PCSK1: variants seen among roughly 807,000 people sequenced by gnomAD.
The protein encoded by PCSK1 is neuroendocrine convertase 1.
Under a neutral mutation model 90.6 loss-of-function variants are expected in PCSK1, and 56 were observed. The observed-to-expected ratio is 0.62, with a 90% CI of 0.50 to 0.77. The LOEUF (loss-of-function observed/expected upper bound fraction) is 0.77. Among genes scored for constraint, PCSK1 ranks in the 30% least tolerant of loss-of-function variants. The pLI, the probability that PCSK1 is intolerant of heterozygous loss-of-function variation, is 0.00. For missense variants in PCSK1, 801 were observed against 932.6 expected (o/e 0.86, Z 1.84); for synonymous variants, 348 against 342.4 (o/e 1.02, Z -0.18).
intron 9 of PCSK1, among the ~76,000 whole-genome samples, chr5:96,401,448 G>A (rs559698054): frequency 9.5e-4 from 145 of 152,352 alleles, no homozygotes; most frequent in Middle Eastern, 6.8e-3. Flanking sequence ...GCCAGAAAGG[G>A]AGCTTATACT....
At chr5:96,432,243 G>T (rs1327558418) in intron 1 of PCSK1, 9 of 900,748 alleles carry the variant, frequency 1.0e-5, no homozygotes, top group Non-Finnish European at 1.5e-5. Flanking sequence ...AGATGGTCCC[G>T]TGTCTTTCAC....
chr5:96,432,103 A>G, intron 1 of PCSK1: 1 of 1,535,280 alleles, frequency 6.5e-7, no homozygotes, highest in Non-Finnish European at 8.7e-7. Context: ...AACAAGAAAG[A>G]AATAGATCCC....
chr5:96,411,592 C>A (rs1254495519), intron 7 of PCSK1, among the ~76,000 whole-genome samples: 1 of 152,324 alleles, frequency 6.6e-6, no homozygotes, highest in East Asian at 1.9e-4. Flanking sequence ...AGGTATTCAA[C>A]AGGCACGTGC....
At chr5:96,430,667 G>A (rs983372360) in intron 1 of PCSK1, among the ~76,000 whole-genome samples, 4 of 152,154 alleles carry the variant, frequency 2.6e-5, no homozygotes, top group African/African-American at 9.7e-5. Flanking sequence ...GCAGAACCAG[G>A]AACGTGCTAT....
chr5:96,413,982 A>AG (rs989010606), intron 6 of PCSK1, among the ~76,000 whole-genome samples: 24 of 148,076 alleles, frequency 1.6e-4, no homozygotes, highest in Admixed American at 8.1e-4. Flanking sequence ...AAAAAAAAAA[A>AG]AAAAAAATTA....
chr5:96,414,128 G>A (rs1478639537), intron 6 of PCSK1, among the ~76,000 whole-genome samples: 1 of 146,690 alleles, frequency 6.8e-6, no homozygotes, highest in Non-Finnish European at 1.5e-5. Flanking sequence ...GACAGAGTGA[G>A]ACTCTGTCTA....
At chr5:96,418,560 ATTAATCTCAT>A (rs1761006786) in intron 5 of PCSK1, among the ~76,000 whole-genome samples, 2 of 152,222 alleles carry the variant, frequency 1.3e-5, no homozygotes, top group Admixed American at 6.5e-5. Context: ...TGTAGCTTCT[ATTAATCTCAT>A]TTACGTGGTA....
chr5:96,398,820 A>T (rs1172722707), intron 11 of PCSK1, 59 bp downstream of exon 11: 1 of 1,289,622 alleles, frequency 7.8e-7, no homozygotes, highest in Non-Finnish European at 1.1e-6. Flanking sequence ...GCAATCAGTT[A>T]TTTGAATCAT....
intron 9 of PCSK1, among the ~76,000 whole-genome samples, chr5:96,402,440 C>T (rs540359846): frequency 2.0e-5 from 3 of 152,290 alleles, no homozygotes; most frequent in Admixed American, 6.5e-5. Context: ...CAGGCCTCCT[C>T]GTGGAGAGAG....
At chr5:96,416,004 C>T in intron 6 of PCSK1, 29 bp downstream of exon 6, 2 of 1,402,668 alleles carry the variant, frequency 1.4e-6, no homozygotes. Flanking sequence ...ATTAAAATGC[C>T]AAGCTATAGG....
chr5:96,426,928 C>T (rs1337648088), intron 2 of PCSK1, among the ~76,000 whole-genome samples: 2 of 152,132 alleles, frequency 1.3e-5, no homozygotes, highest in Non-Finnish European at 1.5e-5. Flanking sequence ...AACCTGAAAG[C>T]TAGAAATTAG....
chr5:96,400,457 T>C (rs911845962), intron 9 of PCSK1, among the ~76,000 whole-genome samples: 3 of 152,244 alleles, frequency 2.0e-5, no homozygotes, highest in African/African-American at 7.2e-5. Flanking sequence ...CTCAGCAATA[T>C]AGAAGTATAA....
Position 96,392,553 on chromosome 5 carries a change from A to G in PCSK1, c.*448T>C, listed in dbSNP as rs944752869. ...TAGGCCTACCAAATACTTTCTTGGC[A>G]TCAAAATTTGAAGAACCACATGGAC... On this transcript the variant is annotated 3_prime_UTR_variant, in exon 14 of 14. Coordinates refer to ENST00000311106, the MANE Select transcript of PCSK1 (RefSeq NM_000439.5). The G allele has an allele frequency of 2.9e-5, 5 of 174,834 alleles. No homozygotes were observed. The highest frequency in any genetic ancestry group is 2.8e-4 in the Admixed American group (5 of 17,762). The allele number at this position is 174,834 out of a possible 1,614,324, so 10.8% of individuals were successfully genotyped here. A position where few individuals can be genotyped will look rare whatever the true frequency, so the allele number is the denominator to read the frequency against.
intron 10 of PCSK1, among the ~76,000 whole-genome samples, chr5:96,399,280 T>C (rs1052452613): frequency 3.3e-5 from 5 of 152,192 alleles, no homozygotes; most frequent in Non-Finnish European, 5.9e-5. Flanking sequence ...AGATTTATTG[T>C]AGACCCATCA....
rs1326633023 is a variant in PCSK1 at position 96,433,232 on chromosome 5, C to T, written c.-190G>A. On this transcript the variant is annotated 5_prime_UTR_variant, in exon 1 of 14. Transcript: ENST00000311106. ...GCGGCGAGCGCTCAGTGAAGCGCTT[C>T]GGTCTCCAGGCTGAGTGGAGCCCCA... 5 of 632,208 alleles carry T rather than the reference C, an allele frequency of 7.9e-6. No individual in the cohort carries two copies. Among genetic ancestry groups the T allele is most frequent in the Admixed American group, 2.4e-5 (1 of 42,110 alleles). 39.2% of individuals were successfully genotyped at this position (632,208 alleles called of 1,614,324 possible).
At chr5:96,414,137 T>TA (rs564573961) in intron 6 of PCSK1, among the ~76,000 whole-genome samples, 5,670 of 124,680 alleles carry the variant, frequency 0.045, 133 homozygotes, top group Non-Finnish European at 0.064. Flanking sequence ...AGACTCTGTC[T>TA]AAAAAAAAAA....
intron 9 of PCSK1, among the ~76,000 whole-genome samples, chr5:96,402,370 A>T (rs1186030868): frequency 6.6e-6 from 1 of 152,110 alleles, no homozygotes; most frequent in Non-Finnish European, 1.5e-5. Flanking sequence ...CTGGCCCCTC[A>T]TGTTCTTTCC....
At chr5:96,432,077 A>G (rs1761521100) in intron 1 of PCSK1, 4 of 1,528,310 alleles carry the variant, frequency 2.6e-6, no homozygotes, top group Non-Finnish European at 3.5e-6. Flanking sequence ...GAAAACGATT[A>G]CGTACTTGGC....
Position 96,400,170 on chromosome 5 carries a change from G to T in PCSK1, c.1213C>A (p.Arg405=), listed in dbSNP as rs1252953022. 8.1e-6 allele frequency: 13 copies of T among 1,613,100 alleles called. No individual in the cohort carries two copies. The highest frequency in any genetic ancestry group is 9.3e-6 in the Non-Finnish European group (11 of 1,179,108). ...CAGACAACCAGGTGCTGCATATCTC[G>T]CCAGGTGAGATTTGGGCTGGAGGGG... ...ALEANPNLTW[R]DMQHLVVWTS... is the part of the protein sequence containing the mutation. The change falls in exon 10 of 14, where the codon CGA becomes AGA. Residue 405 remains arginine, a synonymous_variant. Transcript: ENST00000311106.
Sources: allele counts gnomAD v4.1 joint callset (sites outside exome capture counted in the v4.1 genomes callset), GRCh38; gene constraint gnomAD v4.1.1; transcripts MANE v1.5; gene names NCBI Gene and HGNC (gene_info 2026-07-23, HGNC 2026-07-21).